The following RAB3IP variants were observed in gnomAD, a reference collection of about 807,000 sequenced individuals.
RAB3IP encodes RAB3A interacting protein.
A neutral mutation model predicts 59.1 loss-of-function variants in RAB3IP; 36 were observed. That is an observed-to-expected ratio of 0.61 (90% CI 0.47 to 0.80). The LOEUF is 0.80. Ranked by LOEUF, RAB3IP falls within the 30% of genes least tolerant of loss-of-function variation. The probability of loss-of-function intolerance (pLI) is 0.00; values close to 1 mark genes in which losing one functional copy is unlikely to be tolerated. For missense variants in RAB3IP, 511 were observed against 536.0 expected (o/e 0.95, Z 0.46); for synonymous variants, 207 against 191.2 (o/e 1.08, Z -0.68).
rs900622213 is a variant in RAB3IP at position 69,760,369 on chromosome 12, G to T, written c.510+3706G>T. Among the ~76,000 whole-genome samples the T allele has an allele frequency of 4.6e-5, 7 of 152,192 alleles. No homozygotes were observed. In the East Asian group the frequency reaches 9.6e-4, roughly 21 times the overall value. ...TGGCTCGGCATCAGAGGGAGACCGT[G>T]GAAAGAGAGGGCGAGGGAGACCGTG... On this transcript the variant is annotated intron_variant, in intron 3 of 10. Transcript: ENST00000247833.
chr12:69,763,332 A>G (rs555543634), intron 3 of RAB3IP, among the ~76,000 whole-genome samples: 44 of 152,288 alleles, frequency 2.9e-4, no homozygotes, highest in South Asian at 1.0e-3. Flanking sequence ...AACTGTGACT[A>G]ACTTTCTCAA....
Position 69,819,144 on chromosome 12 carries a change from A to G in RAB3IP, c.*3698A>G, listed in dbSNP as rs1241171140. 1 of 152,222 alleles carries G rather than the reference A, an allele frequency of 6.6e-6. No homozygotes were observed. The allele number at this position is 152,222 out of a possible 1,614,324, so 9.4% of individuals were successfully genotyped here. A position where few individuals can be genotyped will look rare whatever the true frequency, so the allele number is the denominator to read the frequency against. Reference sequence around the variant, plus strand: ...TGAATAAGAGAGTTATGCATGGAACATCGGTGGTGTATTATGAATCAAGCA... The same window carrying G: ...TGAATAAGAGAGTTATGCATGGAACGTCGGTGGTGTATTATGAATCAAGCA... On this transcript the variant is annotated 3_prime_UTR_variant, in exon 11 of 11. Transcript: ENST00000247833.
chr12:69,801,515 G>A, intron 7 of RAB3IP, 94 bp from the exon 8 acceptor site: 3 of 623,782 alleles, frequency 4.8e-6, no homozygotes, highest in Non-Finnish European at 7.6e-6. Flanking sequence ...TGGAACTTTG[G>A]AGAAGAATAA....
At chr12:69,741,009 T>A (rs1217764758) in intron 1 of RAB3IP, among the ~76,000 whole-genome samples, 2 of 152,272 alleles carry the variant, frequency 1.3e-5, no homozygotes, top group Non-Finnish European at 1.5e-5. Flanking sequence ...TTGAGCTTAT[T>A]TTCTCCATTT....
chr12:69,756,107 G>T (rs1163043930), intron 2 of RAB3IP, among the ~76,000 whole-genome samples: 1 of 152,180 alleles, frequency 6.6e-6, no homozygotes, highest in Non-Finnish European at 1.5e-5. Flanking sequence ...CGGGTGGAAG[G>T]CTTGGTTTAG....
chr12:69,805,848 C>T (rs1879176563), intron 8 of RAB3IP, among the ~76,000 whole-genome samples: 1 of 152,072 alleles, frequency 6.6e-6, no homozygotes, highest in South Asian at 2.1e-4. Flanking sequence ...GGATGAAGCC[C>T]ACTTGATCAT....
chr12:69,800,179 A>G (rs769883728), intron 6 of RAB3IP, 30 bp from the exon 7 acceptor site: 18 of 1,480,530 alleles, frequency 1.2e-5, no homozygotes, highest in Non-Finnish European at 1.5e-5. Context: ...GTTTTAAAAC[A>G]TGTTTTTGTG....
At chr12:69,754,427 A>G (rs1316581272) in intron 1 of RAB3IP, among the ~76,000 whole-genome samples, 1 of 152,126 alleles carries the variant, frequency 6.6e-6, no homozygotes, top group East Asian at 1.9e-4. Flanking sequence ...ACATTCTTAA[A>G]TGACTCAAAA....
chr12:69,761,300 A>C (rs1871270219), intron 3 of RAB3IP, among the ~76,000 whole-genome samples: 1 of 152,158 alleles, frequency 6.6e-6, no homozygotes, highest in Non-Finnish European at 1.5e-5. Flanking sequence ...GCAGTTTAAT[A>C]AATGTTTTGT....
intron 4 of RAB3IP, among the ~76,000 whole-genome samples, chr12:69,788,663 A>C (rs904677708): frequency 3.9e-5 from 6 of 152,132 alleles, no homozygotes; most frequent in Non-Finnish European, 2.9e-5. Context: ...ACAGAAAATT[A>C]ATAAGGAAAC....
intron 8 of RAB3IP, among the ~76,000 whole-genome samples, chr12:69,809,735 T>G (rs1312278676): frequency 6.6e-6 from 1 of 152,232 alleles, no homozygotes; most frequent in Non-Finnish European, 1.5e-5. Context: ...TCTCATGCCA[T>G]GGTTTTCAGC....
chr12:69,807,627 C>T (rs1423269037), intron 8 of RAB3IP, among the ~76,000 whole-genome samples: 9 of 148,414 alleles, frequency 6.1e-5, no homozygotes, highest in African/African-American at 1.7e-4. Flanking sequence ...CAGAGGCGCT[C>T]CTTACCTCCC....
intron 3 of RAB3IP, 109 bp downstream of exon 3, chr12:69,756,772 C>T (rs972458857): frequency 3.1e-5 from 28 of 892,674 alleles, no homozygotes; most frequent in African/African-American, 3.0e-4. Flanking sequence ...TACATTTATC[C>T]GTCACATATG....
intron 3 of RAB3IP, among the ~76,000 whole-genome samples, chr12:69,779,730 T>A (rs1364312165): frequency 6.6e-6 from 1 of 152,042 alleles, no homozygotes; most frequent in Non-Finnish European, 1.5e-5. Context: ...TTCTGATAAA[T>A]TTCTGAATTG....
chr12:69,766,957 ATTCT>A (rs751397332), intron 3 of RAB3IP, among the ~76,000 whole-genome samples: 1 of 152,068 alleles, frequency 6.6e-6, no homozygotes, highest in Non-Finnish European at 1.5e-5. Flanking sequence ...CATGTTTTGA[ATTCT>A]TTATCTGTCA....
rs112609629 is a variant in RAB3IP, at chr12:69,801,738, A to G, written c.1130+17A>G. 4 of 1,468,618 alleles carry G rather than the reference A, an allele frequency of 2.7e-6. No individual in the cohort carries two copies. Among genetic ancestry groups the G allele is most frequent in the African/African-American group, 2.8e-5 (2 of 71,670 alleles). The allele number at this position is 1,468,618 out of a possible 1,614,324, so 91.0% of individuals were successfully genotyped here. A position where few individuals can be genotyped will look rare whatever the true frequency, so the allele number is the denominator to read the frequency against. ...AGGACCAAAGTAGGTTTTTACGTGC[A>G]TGAACTGTGAAAGTGACTGAGTTTT... On this transcript the variant is annotated intron_variant, in intron 8 of 10. Transcript: ENST00000247833.
chr12:69,744,413 C>T (rs542973282), intron 1 of RAB3IP, among the ~76,000 whole-genome samples: 1 of 151,986 alleles, frequency 6.6e-6, no homozygotes, highest in African/African-American at 2.4e-5. Flanking sequence ...CTACACATGT[C>T]AGGTTGTACA....
At chr12:69,739,911 G>C (rs1226167461) in intron 1 of RAB3IP, 1 of 1,598,670 alleles carries the variant, frequency 6.3e-7, no homozygotes, top group Non-Finnish European at 8.6e-7. Context: ...AGTTAGTACT[G>C]ATTACTGAGA....
intron 3 of RAB3IP, among the ~76,000 whole-genome samples, chr12:69,768,740 G>C (rs1335571304): frequency 3.3e-5 from 5 of 152,148 alleles, no homozygotes; most frequent in Non-Finnish European, 7.4e-5. Flanking sequence ...TGACAGGGAA[G>C]AGTACAATTC....
Sources: allele counts gnomAD v4.1 joint callset (sites outside exome capture counted in the v4.1 genomes callset), GRCh38; gene constraint gnomAD v4.1.1; transcripts MANE v1.5; gene names NCBI Gene and HGNC (gene_info 2026-07-23, HGNC 2026-07-21).